The following CSTPP1 variants were observed in gnomAD, a reference collection of about 807,000 sequenced individuals.
CSTPP1 encodes the protein UPF0705 protein C11orf49.
the CSTPP1 span, among the ~76,000 whole-genome samples, chr11:47,158,926 TTCC>T: frequency 6.6e-6 from 1 of 152,218 alleles, no homozygotes; most frequent in Non-Finnish European, 1.5e-5. Flanking sequence ...AGCATCCCCC[TTCC>T]TTTTGCCAGT....
chr11:46,956,290 C>T, the CSTPP1 span, among the ~76,000 whole-genome samples: 2 of 152,108 alleles, frequency 1.3e-5, no homozygotes, highest in Non-Finnish European at 2.9e-5. Context: ...AGAAGCGGGC[C>T]CCCCAAACTA....
the CSTPP1 span, among the ~76,000 whole-genome samples, chr11:47,042,733 T>A: frequency 6.6e-6 from 1 of 152,306 alleles, no homozygotes; most frequent in South Asian, 2.1e-4. Flanking sequence ...ATGGTGTACT[T>A]CTGTATGGCC....
the CSTPP1 span, among the ~76,000 whole-genome samples, chr11:46,983,161 A>C: frequency 6.6e-6 from 1 of 152,214 alleles, no homozygotes; most frequent in African/African-American, 2.4e-5. Context: ...GAAGTAGTTT[A>C]TTATCAGACA....
chr11:47,056,988 C>T, the CSTPP1 span, among the ~76,000 whole-genome samples: 1 of 152,148 alleles, frequency 6.6e-6, no homozygotes, highest in Non-Finnish European at 1.5e-5. Context: ...ATGAAGCCAC[C>T]TGTAGAACTC....
At chr11:47,016,390 C>CAAAAAAAAAAAAAAAAAAA in the CSTPP1 span, among the ~76,000 whole-genome samples, 1 of 125,848 alleles carries the variant, frequency 7.9e-6, no homozygotes, top group Non-Finnish European at 1.6e-5. Context: ...ATGGAATCTA[C>CAAAAAAAAAAAAAAAAAAA]AAAAAACAAA....
chr11:47,091,046 CAAAAAA>C, the CSTPP1 span, among the ~76,000 whole-genome samples: 2 of 83,688 alleles, frequency 2.4e-5, no homozygotes, highest in Non-Finnish European at 2.2e-5. Flanking sequence ...GACTCCATCT[CAAAAAA>C]AAAAAAAAAA....
chr11:47,116,498 T>C, the CSTPP1 span, among the ~76,000 whole-genome samples: 1 of 152,098 alleles, frequency 6.6e-6, no homozygotes, highest in African/African-American at 2.4e-5. Context: ...ATCTGGGTGG[T>C]CATGTATTGG....
At chr11:46,956,227 G>A in the CSTPP1 span, among the ~76,000 whole-genome samples, 1 of 152,134 alleles carries the variant, frequency 6.6e-6, no homozygotes, top group South Asian at 2.1e-4. Context: ...GGTCTAATAG[G>A]TAATAGGGGA....
the CSTPP1 span, among the ~76,000 whole-genome samples, chr11:47,064,394 A>G: frequency 1.3e-5 from 2 of 152,164 alleles, no homozygotes; most frequent in East Asian, 3.8e-4. Context: ...TCATTTACAA[A>G]TCCAGTGTCA....
chr11:47,008,254 C>T, the CSTPP1 span, among the ~76,000 whole-genome samples: 10 of 151,216 alleles, frequency 6.6e-5, no homozygotes, highest in South Asian at 1.0e-3. Flanking sequence ...TGTGAGCCAC[C>T]GCGCCCAGCC....
chr11:47,052,290 C>T, the CSTPP1 span: 15 of 1,436,342 alleles, frequency 1.0e-5, 1 homozygote, highest in East Asian at 1.9e-4. Context: ...AAAAATTCCC[C>T]GTTTTTGGCA....
the CSTPP1 span, chr11:47,159,542 C>G: frequency 2.3e-6 from 1 of 428,134 alleles, no homozygotes. Context: ...AGGCGAGAGT[C>G]AGGAATCAAG....
the CSTPP1 span, among the ~76,000 whole-genome samples, chr11:47,044,746 C>T: frequency 6.6e-6 from 1 of 151,902 alleles, no homozygotes; most frequent in East Asian, 1.9e-4. Flanking sequence ...CCCATCTCTA[C>T]AAAAAAATTA....
the CSTPP1 span, among the ~76,000 whole-genome samples, chr11:46,998,652 G>C: frequency 2.0e-5 from 3 of 152,164 alleles, no homozygotes; most frequent in Middle Eastern, 6.3e-3. Context: ...AGGAGACCTG[G>C]ATGATGGAAG....
the CSTPP1 span, among the ~76,000 whole-genome samples, chr11:47,121,306 A>T: frequency 6.6e-6 from 1 of 152,174 alleles, no homozygotes; most frequent in Non-Finnish European, 1.5e-5. Flanking sequence ...GTATAATCAG[A>T]GTATGTCTTG....
the CSTPP1 span, among the ~76,000 whole-genome samples, chr11:46,945,718 C>G: frequency 6.6e-6 from 1 of 152,186 alleles, no homozygotes; most frequent in East Asian, 1.9e-4. Flanking sequence ...TTTCTTCCTC[C>G]CTGAATACCT....
the CSTPP1 span, among the ~76,000 whole-genome samples, chr11:47,059,488 G>A: frequency 3.9e-5 from 6 of 152,130 alleles, no homozygotes; most frequent in African/African-American, 1.2e-4. Context: ...GCGGGTGAAG[G>A]CTATAAAGGT....
the CSTPP1 span, among the ~76,000 whole-genome samples, chr11:47,101,449 T>TC: frequency 1.1e-3 from 173 of 151,970 alleles, no homozygotes; most frequent in Non-Finnish European, 1.1e-3. Context: ...TGTGGTTAGT[T>TC]CCCATGACTA....
the CSTPP1 span, among the ~76,000 whole-genome samples, chr11:47,038,809 C>G: frequency 8.3e-6 from 1 of 120,468 alleles, no homozygotes; most frequent in African/African-American, 2.6e-5. Context: ...GGCGGAGGGG[C>G]TCCTCACTTC....
Sources: allele counts gnomAD v4.1 joint callset (sites outside exome capture counted in the v4.1 genomes callset), GRCh38; gene constraint gnomAD v4.1.1; transcripts MANE v1.5; gene names NCBI Gene and HGNC (gene_info 2026-07-23, HGNC 2026-07-21).